ZNF782: variants seen among roughly 807,000 people sequenced by gnomAD.
ZNF782 encodes the protein zinc finger protein 782.
A neutral mutation model predicts 13.0 loss-of-function variants in ZNF782; 12 were observed. The observed-to-expected ratio is 0.92, with a 90% CI of 0.59 to 1.50. The LOEUF is 1.50. Among genes scored for constraint, ZNF782 ranks in the 40% most tolerant of loss-of-function variants. The pLI, the probability that ZNF782 is intolerant of heterozygous loss-of-function variation, is 0.00. For synonymous variants in ZNF782, 284 were observed against 283.0 expected (o/e 1.00, Z -0.04); for missense variants, 770 against 822.9 (o/e 0.94, Z 0.79).
chr9:96,862,453 A>G (rs1343034782), intron 1 of ZNF782, among the ~76,000 whole-genome samples: 1 of 152,238 alleles, frequency 6.6e-6, no homozygotes, highest in Non-Finnish European at 1.5e-5. Context: ...TACACATTGT[A>G]GGCCTGTATC....
At chr9:96,829,941 G>A (rs569602801) in intron 4 of ZNF782, among the ~76,000 whole-genome samples, 1 of 152,182 alleles carries the variant, frequency 6.6e-6, no homozygotes, top group South Asian at 2.1e-4. Context: ...GAAAGGTAGA[G>A]AGAAGACAGC....
intron 4 of ZNF782, among the ~76,000 whole-genome samples, chr9:96,828,286 G>T (rs1195821045): frequency 1.3e-5 from 2 of 152,190 alleles, no homozygotes; most frequent in African/African-American, 2.4e-5. Flanking sequence ...GGCCAAATTA[G>T]TTCTAAAGTG....
chr9:96,889,273 ACAC>A, the ZNF782 span: 2 of 152,154 alleles, frequency 1.3e-5, no homozygotes, highest in African/African-American at 4.8e-5. Context: ...TCCAGACATG[ACAC>A]CAGGAAGCAG....
intron 3 of ZNF782, among the ~76,000 whole-genome samples, chr9:96,848,105 C>G (rs985049996): frequency 6.6e-6 from 1 of 152,076 alleles, no homozygotes; most frequent in African/African-American, 2.4e-5. Context: ...AAACATTTGA[C>G]AAAATCTAGT....
the ZNF782 span, among the ~76,000 whole-genome samples, chr9:96,900,032 T>C: frequency 0.064 from 9,730 of 152,074 alleles, 815 homozygotes; most frequent in East Asian, 0.34. Flanking sequence ...CTCCTGGGCT[T>C]AAGCAATCCT....
chr9:96,867,160 T>C (rs1851765437), intron 1 of ZNF782, among the ~76,000 whole-genome samples: 1 of 152,304 alleles, frequency 6.6e-6, no homozygotes, highest in African/African-American at 2.4e-5. Context: ...CAGAATGATA[T>C]GGTTTGGCTG....
At chr9:96,847,904 T>C (rs150718903) in intron 3 of ZNF782, among the ~76,000 whole-genome samples, 4,299 of 152,212 alleles carry the variant, frequency 0.028, 204 homozygotes, top group African/African-American at 0.096. Flanking sequence ...CTGATGAACA[T>C]AGATGCAAAA....
At chr9:96,860,526 G>A (rs999006806) in intron 2 of ZNF782, 3 of 152,172 alleles carry the variant, frequency 2.0e-5, no homozygotes, top group Non-Finnish European at 4.4e-5. Context: ...CCAATGTGGT[G>A]CCTCCACAAG....
intron 4 of ZNF782, among the ~76,000 whole-genome samples, chr9:96,840,944 A>T (rs1186025649): frequency 6.6e-6 from 1 of 152,052 alleles, no homozygotes; most frequent in African/African-American, 2.4e-5. Context: ...CAAAAGAGAA[A>T]GATCAATGAG....
At chr9:96,819,843 T>C (rs758508397) in intron 5 of ZNF782, 65 bp from the exon 6 acceptor site, 10 of 1,255,214 alleles carry the variant, frequency 8.0e-6, no homozygotes, top group South Asian at 3.3e-5. Context: ...ATGGGACATA[T>C]ATGTATATAT....
chr9:96,858,740 A>G (rs941010886), upstream of ZNF782, among the ~76,000 whole-genome samples: 2 of 152,204 alleles, frequency 1.3e-5, no homozygotes, highest in African/African-American at 4.8e-5. This position sits in a 1 kb window ranked among gnomAD's most constrained non-coding sequence, Gnocchi z 4.4. Context: ...CCTGTAGGTA[A>G]GACTGTCATT....
chr9:96,855,127 A>G (rs1019067546), upstream of ZNF782, among the ~76,000 whole-genome samples: 11 of 152,284 alleles, frequency 7.2e-5, no homozygotes, highest in Admixed American at 5.2e-4. Context: ...TGTTAGAGAA[A>G]AGCTTTTGGT....
chr9:96,865,417 T>C (rs1466635396), intron 1 of ZNF782, among the ~76,000 whole-genome samples: 1 of 152,232 alleles, frequency 6.6e-6, no homozygotes, highest in Non-Finnish European at 1.5e-5. Flanking sequence ...AGCTCGTCTG[T>C]TTGCCTGCTG....
the ZNF782 span, among the ~76,000 whole-genome samples, chr9:96,925,508 C>T: frequency 3.4e-4 from 51 of 151,824 alleles, no homozygotes; most frequent in African/African-American, 1.2e-3. Flanking sequence ...CGTGGTGGCG[C>T]GCACTTGTAG....
At chr9:96,832,930 T>A (rs1222740767) in intron 4 of ZNF782, among the ~76,000 whole-genome samples, 2 of 152,140 alleles carry the variant, frequency 1.3e-5, no homozygotes, top group Non-Finnish European at 2.9e-5. Context: ...CTTATGGGAT[T>A]CAAATTACAC....
the ZNF782 span, among the ~76,000 whole-genome samples, chr9:96,922,525 C>G: frequency 2.6e-5 from 4 of 152,298 alleles, no homozygotes; most frequent in Non-Finnish European, 5.9e-5. Context: ...GTAATCCCAG[C>G]ACTTTGGGAG....
In ZNF782 at chr9:96,852,011, G is replaced by T. The variant is rs756770829; in HGVS notation, c.-44-6C>A. Reference sequence around the variant, plus strand: ...AGAGAACTGTAAAGCCTCAGCTGGGGGGACAGAAAGAGGATGTCACACGGT... The same window carrying T: ...AGAGAACTGTAAAGCCTCAGCTGGGTGGACAGAAAGAGGATGTCACACGGT... On this transcript the variant is annotated splice_region_variant and splice_polypyrimidine_tract_variant and intron_variant, in intron 2 of 5. Transcript: ENST00000481138. 3.8e-6 allele frequency: 6 copies of T among 1,593,992 alleles called. No homozygotes were observed. Among genetic ancestry groups the T allele is most frequent in the Non-Finnish European group, 5.2e-6 (6 of 1,162,202 alleles).
At chr9:96,868,035 A>G (rs1851779674) in intron 1 of ZNF782, among the ~76,000 whole-genome samples, 1 of 152,274 alleles carries the variant, frequency 6.6e-6, no homozygotes. Flanking sequence ...TTTAGAGAGT[A>G]TCTACAAAAT....
At chr9:96,917,887 C>CGTGTGTGTGTCTGTGTGTGTGTGTGTGT in the ZNF782 span, among the ~76,000 whole-genome samples, 111 of 121,714 alleles carry the variant, frequency 9.1e-4, 2 homozygotes, top group South Asian at 4.0e-3. Context: ...CCACCCTTGG[C>CGTGTGTGTGTCTGTGTGTGTGTGTGTGT]GTGTGTGTGT....
Sources: gnomAD v4.1 joint callset for allele counts (sites outside exome capture counted in the v4.1 genomes callset) on GRCh38, gnomAD v4.1.1 for gene constraint, Gnocchi (gnomAD v3.1) non-coding constraint, MANE v1.5 for transcripts, NCBI Gene and HGNC (gene_info 2026-07-23, HGNC 2026-07-21) for gene names.